The following LINGO2 variants were observed in gnomAD, a reference collection of about 807,000 sequenced individuals.
LINGO2 encodes leucine rich repeat and Ig domain containing 2.
A neutral mutation model predicts 30.6 loss-of-function variants in LINGO2; 14 were observed. The ratio of observed to expected loss-of-function variants is 0.46; its 90% confidence interval spans 0.30 to 0.72. The LOEUF is 0.72. Ranked by LOEUF, LINGO2 falls within the 30% of genes least tolerant of loss-of-function variation. LINGO2 has a pLI of 0.07. For missense variants in LINGO2, 729 were observed against 751.7 expected (o/e 0.97, Z 0.35); for synonymous variants, 317 against 288.5 (o/e 1.10, Z -1.00).
the LINGO2 span, among the ~76,000 whole-genome samples, chr9:29,142,187 T>C: frequency 2.0e-5 from 3 of 151,730 alleles, no homozygotes; most frequent in East Asian, 1.9e-4. Context: ...TTCAGAAAGA[T>C]TGAAATCATA....
At chr9:28,941,554 A>G in the LINGO2 span, among the ~76,000 whole-genome samples, 1 of 152,152 alleles carries the variant, frequency 6.6e-6, no homozygotes, top group Non-Finnish European at 1.5e-5. Flanking sequence ...ACTTCTCAAG[A>G]GAGATCTGTA....
chr9:28,008,191 G>T (rs576466082), intron 5 of LINGO2, among the ~76,000 whole-genome samples: 1 of 152,194 alleles, frequency 6.6e-6, no homozygotes, highest in Non-Finnish European at 1.5e-5. Flanking sequence ...AGATTATGTT[G>T]CTGAGTTGCA....
chr9:28,786,543 G>C, the LINGO2 span, among the ~76,000 whole-genome samples: 28 of 152,280 alleles, frequency 1.8e-4, no homozygotes, highest in Non-Finnish European at 3.7e-4. Context: ...CATTTGCCTA[G>C]GGTGTAGGTA....
intron 3 of LINGO2, among the ~76,000 whole-genome samples, chr9:28,315,995 T>G (rs935057594): frequency 6.6e-6 from 1 of 152,200 alleles, no homozygotes; most frequent in Non-Finnish European, 1.5e-5. Flanking sequence ...TATGTGATTG[T>G]TGGCCAAGTC....
the LINGO2 span, among the ~76,000 whole-genome samples, chr9:28,787,716 T>A: frequency 3.9e-4 from 60 of 152,276 alleles, no homozygotes; most frequent in African/African-American, 1.3e-3. Context: ...AGATAAATAA[T>A]TTAAGTAATA....
intron 4 of LINGO2, among the ~76,000 whole-genome samples, chr9:28,111,976 G>T (rs1482738012): frequency 6.9e-6 from 1 of 145,860 alleles, no homozygotes; most frequent in Non-Finnish European, 1.5e-5. Context: ...AGTTACATAT[G>T]TATACATGTG....
intron 1 of LINGO2, among the ~76,000 whole-genome samples, chr9:28,485,519 C>G (rs7860197): frequency 0.64 from 97,572 of 151,782 alleles, 32,113 homozygotes; most frequent in South Asian, 0.75. Flanking sequence ...CTCATTATAG[C>G]CTGAAGAGAT....
intron 2 of LINGO2, among the ~76,000 whole-genome samples, chr9:28,449,191 G>A (rs1019866585): frequency 5.3e-5 from 8 of 151,992 alleles, no homozygotes; most frequent in African/African-American, 1.9e-4. Context: ...TCTATGTGAT[G>A]CTGTTGTTGG....
chr9:29,160,763 T>A, the LINGO2 span, among the ~76,000 whole-genome samples: 1 of 152,220 alleles, frequency 6.6e-6, no homozygotes, highest in African/African-American at 2.4e-5. Flanking sequence ...ACAGATTCTT[T>A]GAAGAAAAAT....
the LINGO2 span, among the ~76,000 whole-genome samples, chr9:28,790,425 T>A: frequency 6.9e-6 from 1 of 145,644 alleles, no homozygotes; most frequent in Non-Finnish European, 1.5e-5. Context: ...GCCTCCCGGG[T>A]TCACGCCATT....
At chr9:28,668,615 ACAAT>A (rs1275425724) in intron 1 of LINGO2, among the ~76,000 whole-genome samples, 1 of 152,104 alleles carries the variant, frequency 6.6e-6, no homozygotes, top group African/African-American at 2.4e-5. Flanking sequence ...CATTGGGTTC[ACAAT>A]CAGAGATATA....
At chr9:28,235,375 C>T (rs976479323) in intron 4 of LINGO2, among the ~76,000 whole-genome samples, 24 of 152,130 alleles carry the variant, frequency 1.6e-4, no homozygotes, top group African/African-American at 5.3e-4. Flanking sequence ...AGGACATATG[C>T]AAACAAGCCC....
At chr9:28,083,541 C>A (rs1227789638) in intron 4 of LINGO2, among the ~76,000 whole-genome samples, 2 of 152,038 alleles carry the variant, frequency 1.3e-5, no homozygotes, top group Admixed American at 1.3e-4. Flanking sequence ...AGAGGGAAAG[C>A]CAGGAGTTAC....
chr9:28,754,835 G>C, the LINGO2 span, among the ~76,000 whole-genome samples: 440 of 151,890 alleles, frequency 2.9e-3, 5 homozygotes, highest in African/African-American at 0.01. Context: ...GTTTCACAGT[G>C]TTAGCCAGGA....
At chr9:28,651,901 A>G (rs1257949235) in intron 1 of LINGO2, among the ~76,000 whole-genome samples, 1 of 152,124 alleles carries the variant, frequency 6.6e-6, no homozygotes, top group Non-Finnish European at 1.5e-5. Context: ...TTACTGGTTT[A>G]TTACCTTTGT....
At chr9:29,110,534 G>C in the LINGO2 span, among the ~76,000 whole-genome samples, 1 of 151,600 alleles carries the variant, frequency 6.6e-6, no homozygotes, top group Non-Finnish European at 1.5e-5. Flanking sequence ...GGGTTTCACC[G>C]TGTTAGCCAG....
At chr9:28,870,890 G>C in the LINGO2 span, among the ~76,000 whole-genome samples, 2 of 151,934 alleles carry the variant, frequency 1.3e-5, no homozygotes, top group Non-Finnish European at 2.9e-5. Flanking sequence ...ATTAAAACAT[G>C]TATCAGCCAA....
At chr9:28,177,137 AAGGATCTCTTCTGTTATCCTCTGAT>A (rs1828772274) in intron 4 of LINGO2, among the ~76,000 whole-genome samples, 1 of 152,196 alleles carries the variant, frequency 6.6e-6, no homozygotes, top group African/African-American at 2.4e-5. Context: ...TTTCAACATG[AAGGATCTCTTCTGTTATCCTCTGAT>A]AGGATTTTCC....
At chr9:29,012,734 C>T in the LINGO2 span, among the ~76,000 whole-genome samples, 1 of 152,078 alleles carries the variant, frequency 6.6e-6, no homozygotes, top group Admixed American at 6.6e-5. Context: ...TTACATATAT[C>T]TAGTAACTGG....
Sources: allele counts gnomAD v4.1 joint callset (sites outside exome capture counted in the v4.1 genomes callset), GRCh38; gene constraint gnomAD v4.1.1; transcripts MANE v1.5; gene names NCBI Gene and HGNC (gene_info 2026-07-23, HGNC 2026-07-21).